The following EYS variants were observed in gnomAD, a reference collection of about 807,000 sequenced individuals.
EYS encodes the protein protein eyes shut homolog.
A neutral mutation model predicts 282.1 loss-of-function variants in EYS; 250 were observed. That is an observed-to-expected ratio of 0.89 (90% CI 0.80 to 0.98). The LOEUF is 0.98. Ranked by LOEUF, EYS falls within the 50% of genes least tolerant of loss-of-function variation. The pLI, the probability that EYS is intolerant of heterozygous loss-of-function variation, is 0.00. For synonymous variants in EYS, 1,355 were observed against 1,282.9 expected, an observed-to-expected ratio of 1.06 and a Z score of -1.20; for missense variants, 4,016 against 3,709.0, an observed-to-expected ratio of 1.08 and a Z score of -2.15.
chr6:65,326,196 GTT>G (rs1480244253), intron 11 of EYS, among the ~76,000 whole-genome samples: 1 of 151,758 alleles, frequency 6.6e-6, no homozygotes, highest in Non-Finnish European at 1.5e-5. Flanking sequence ...ACCTGTATCT[GTT>G]TTTCCTTTAA....
At chr6:65,578,592 A>C (rs2127358564) in intron 2 of EYS, among the ~76,000 whole-genome samples, 1 of 152,062 alleles carries the variant, frequency 6.6e-6, no homozygotes. Flanking sequence ...ATAGATTTTG[A>C]AGTGTTCTCA....
At chr6:65,374,987 C>T (rs905243791) in intron 8 of EYS, among the ~76,000 whole-genome samples, 4 of 152,160 alleles carry the variant, frequency 2.6e-5, no homozygotes, top group African/African-American at 7.2e-5. Context: ...TGCCTGTCAG[C>T]TCTGAAAAGA....
chr6:64,070,238 TTGAA>T (rs1388284946), intron 32 of EYS, among the ~76,000 whole-genome samples: 9 of 152,238 alleles, frequency 5.9e-5, no homozygotes, highest in African/African-American at 1.2e-4. Context: ...TTCTTGCACT[TTGAA>T]TGGATGTTTT....
Position 65,405,027 on chromosome 6 carries a change from AT to A in EYS, c.1056+146del, listed in dbSNP as rs1296875275. The A allele has an allele frequency of 7.1e-6, 4 of 566,898 alleles. No individual in the cohort carries two copies. In the African/African-American group the frequency reaches 7.7e-5, roughly 11 times the overall value. 35.1% of individuals were successfully genotyped at this position (566,898 alleles called of 1,614,324 possible). A position where few individuals can be genotyped will look rare whatever the true frequency, so the allele number is the denominator to read the frequency against. On this transcript the variant is annotated intron_variant, in intron 6 of 42. Transcript: ENST00000503581. ...GTTTTTTCCTATATAAATAGGAAAAATTAAAATAAGTAGACCGTTCTTGTTC... is the reference window on the plus strand; with the variant it reads ...GTTTTTTCCTATATAAATAGGAAAAATAAAATAAGTAGACCGTTCTTGTTC...
At chr6:65,352,928 A>T (rs960392089) in intron 9 of EYS, among the ~76,000 whole-genome samples, 3 of 152,038 alleles carry the variant, frequency 2.0e-5, no homozygotes, top group African/African-American at 7.2e-5. Context: ...TTACAAATAC[A>T]ATTCCCTCAA....
intron 22 of EYS, among the ~76,000 whole-genome samples, chr6:64,795,230 C>T (rs958099709): frequency 2.4e-4 from 25 of 104,146 alleles, no homozygotes; most frequent in East Asian, 9.6e-4. Context: ...AGCAAAACTC[C>T]GTCTCAAAAA....
rs574948128 is a variant in EYS, at chr6:65,263,658, A to G, written c.2023+32205T>C. 1.5e-4 allele frequency among the ~76,000 whole-genome samples: 23 copies of G among 151,954 alleles called. No individual in the cohort carries two copies. In the South Asian group the frequency reaches 4.8e-3, roughly 32 times the overall value. The stretch of plus-strand genomic sequence containing the variant: ...AAGGGTAGCAAGTAGCTGATTTACA[A>G]ATAAGGCATAGAACTTCAACCTAAA... On this transcript the variant is annotated intron_variant, in intron 12 of 42. Coordinates refer to ENST00000503581, the MANE Select transcript of EYS (RefSeq NM_001142800.2).
intron 19 of EYS, among the ~76,000 whole-genome samples, chr6:64,884,909 T>C (rs1030567726): frequency 6.6e-6 from 1 of 151,658 alleles, no homozygotes; most frequent in Non-Finnish European, 1.5e-5. Flanking sequence ...AGTGACATAT[T>C]AGCAGGTTTT....
At chr6:65,543,425 G>T (rs1768254556) in intron 2 of EYS, among the ~76,000 whole-genome samples, 1 of 147,366 alleles carries the variant, frequency 6.8e-6, no homozygotes, top group Non-Finnish European at 1.5e-5. Flanking sequence ...TGTATATTAT[G>T]TATAAATACA....
intron 22 of EYS, among the ~76,000 whole-genome samples, chr6:64,736,943 T>C (rs1367484333): frequency 6.6e-6 from 1 of 152,230 alleles, no homozygotes; most frequent in Non-Finnish European, 1.5e-5. Context: ...AACAGAAGAA[T>C]ACAATTTATC....
chr6:64,417,807 A>G (rs1421063413), intron 28 of EYS, among the ~76,000 whole-genome samples: 1 of 151,340 alleles, frequency 6.6e-6, no homozygotes, highest in Admixed American at 6.6e-5. Context: ...AGTAGCTGGC[A>G]CTACAGGTGC....
intron 22 of EYS, among the ~76,000 whole-genome samples, chr6:64,656,139 C>G (rs1768734740): frequency 6.6e-6 from 1 of 151,992 alleles, no homozygotes; most frequent in South Asian, 2.1e-4. Flanking sequence ...GCACCATGGA[C>G]AAGATCTTTG....
At chr6:64,668,535 C>T (rs1454633446) in intron 22 of EYS, among the ~76,000 whole-genome samples, 1 of 148,744 alleles carries the variant, frequency 6.7e-6, no homozygotes, top group Non-Finnish European at 1.5e-5. Context: ...CCAGCTAGTA[C>T]CACAATTCTT....
intron 15 of EYS, among the ~76,000 whole-genome samples, chr6:64,916,297 GTTTGT>G (rs1397326550): frequency 2.0e-5 from 3 of 152,132 alleles, no homozygotes; most frequent in African/African-American, 7.2e-5. Flanking sequence ...TGTGCTGAAG[GTTTGT>G]TTTATCTTCT....
chr6:64,477,065 T>G (rs976931801), intron 26 of EYS, among the ~76,000 whole-genome samples: 1 of 152,048 alleles, frequency 6.6e-6, no homozygotes, highest in African/African-American at 2.4e-5. Flanking sequence ...TTCAAGAAAG[T>G]CCCCAACCAA....
chr6:64,672,072 A>C (rs1436051142), intron 22 of EYS, among the ~76,000 whole-genome samples: 1 of 152,182 alleles, frequency 6.6e-6, no homozygotes, highest in East Asian at 1.9e-4. Context: ...GATCATACCT[A>C]GATACCTTTA....
At chr6:64,534,057 T>C (rs1195750085) in intron 26 of EYS, among the ~76,000 whole-genome samples, 2 of 151,842 alleles carry the variant, frequency 1.3e-5, no homozygotes, top group African/African-American at 2.4e-5. Flanking sequence ...ACTTTTGCTA[T>C]AATGGGAATA....
At chr6:64,535,341 A>T (rs1764484647) in intron 26 of EYS, among the ~76,000 whole-genome samples, 1 of 152,190 alleles carries the variant, frequency 6.6e-6, no homozygotes, top group Non-Finnish European at 1.5e-5. Flanking sequence ...AACAAATCTC[A>T]TTATGTCAAA....
intron 8 of EYS, among the ~76,000 whole-genome samples, chr6:65,361,112 CA>C (rs1310208714): frequency 2.5e-5 from 2 of 81,586 alleles, no homozygotes; most frequent in African/African-American, 9.5e-5. Context: ...ATCGCAAGGA[CA>C]AAAAAACAAA....
Sources: gnomAD v4.1 joint callset for allele counts (sites outside exome capture counted in the v4.1 genomes callset) on GRCh38, gnomAD v4.1.1 for gene constraint, MANE v1.5 for transcripts, NCBI Gene and HGNC (gene_info 2026-07-23, HGNC 2026-07-21) for gene names.